The following CERS3 variants were observed in gnomAD, a reference collection of about 807,000 sequenced individuals.
CERS3 encodes LAG1 homolog, ceramide synthase 3.
CERS3 carries 33 observed loss-of-function variants against 50.3 expected under a neutral mutation model. The observed-to-expected ratio is 0.66, with a 90% CI of 0.50 to 0.88. The LOEUF (loss-of-function observed/expected upper bound fraction) is 0.88. CERS3 is among the 40% of genes least tolerant of loss of function. CERS3 has a pLI of 0.00. For synonymous variants in CERS3, 176 were observed against 155.2 expected (o/e 1.13, Z -0.99); for missense variants, 470 against 460.3 (o/e 1.02, Z -0.19).
intron 1 of CERS3, among the ~76,000 whole-genome samples, chr15:100,540,283 C>G (rs1333547242): frequency 1.3e-5 from 2 of 152,182 alleles, no homozygotes; most frequent in Non-Finnish European, 2.9e-5. Flanking sequence ...TGGCTCATAC[C>G]TGTAATCCCA....
chr15:100,500,295 C>T (rs1189606801), intron 3 of CERS3: 2 of 152,156 alleles, frequency 1.3e-5, no homozygotes, highest in Non-Finnish European at 2.9e-5. Flanking sequence ...AGAATATAGA[C>T]TATACTTAAT....
At chr15:100,476,374 G>C (rs2035127154) in intron 7 of CERS3, among the ~76,000 whole-genome samples, 196 bp from the exon 8 acceptor site, 1 of 152,152 alleles carries the variant, frequency 6.6e-6, no homozygotes, top group Non-Finnish European at 1.5e-5. Flanking sequence ...AAAGGGTAGA[G>C]ACAAGTATTC....
At chr15:100,491,734 T>G (rs2035658864) in intron 3 of CERS3, among the ~76,000 whole-genome samples, 1 of 152,178 alleles carries the variant, frequency 6.6e-6, no homozygotes, top group African/African-American at 2.4e-5. Flanking sequence ...GCTATTGCTG[T>G]ATTCTATTAA....
chr15:100,514,537 TAAATAACACTTC>T (rs2036439010), intron 2 of CERS3, among the ~76,000 whole-genome samples: 1 of 152,150 alleles, frequency 6.6e-6, no homozygotes, highest in South Asian at 2.1e-4. Context: ...CTACAGTTAA[TAAATAACACTTC>T]AATGTTAGTA....
intron 2 of CERS3, among the ~76,000 whole-genome samples, chr15:100,515,113 T>C (rs769329188): frequency 1.6e-4 from 24 of 152,238 alleles, no homozygotes; most frequent in Admixed American, 3.3e-4. Flanking sequence ...TTAATATTTT[T>C]AAGAGGCTAA....
chr15:100,527,449 A>T (rs967395182), intron 1 of CERS3, among the ~76,000 whole-genome samples: 3 of 152,246 alleles, frequency 2.0e-5, no homozygotes, highest in Non-Finnish European at 2.9e-5. Flanking sequence ...AGATTGATTG[A>T]TTGATTTTGG....
chr15:100,464,510 A>G (rs2250687), intron 10 of CERS3, among the ~76,000 whole-genome samples: 125,878 of 152,116 alleles, frequency 0.83, 52,560 homozygotes, highest in Middle Eastern at 0.89. Flanking sequence ...GGGCACACAC[A>G]CCTTCCCTTC....
chr15:100,474,671 G>A (rs956136165), intron 8 of CERS3, among the ~76,000 whole-genome samples: 5 of 152,222 alleles, frequency 3.3e-5, no homozygotes, highest in Non-Finnish European at 1.5e-5. Flanking sequence ...CCAAAGTGCT[G>A]GGATCACAGG....
intron 11 of CERS3, among the ~76,000 whole-genome samples, chr15:100,425,584 T>C (rs2032763351): frequency 6.6e-6 from 1 of 152,198 alleles, no homozygotes; most frequent in Non-Finnish European, 1.5e-5. Context: ...ATACCCCCAT[T>C]GTGTCTTGGA....
intron 10 of CERS3, among the ~76,000 whole-genome samples, chr15:100,466,774 TTCCTTCCTTCC>T (rs1567638381): frequency 6.8e-5 from 2 of 29,202 alleles, no homozygotes; most frequent in Non-Finnish European, 2.0e-4. Flanking sequence ...CCTTCCTTCC[TTCCTTCCTTCC>T]TTCCTTCCTC....
Position 100,522,774 on chromosome 15 carries a change from ATGAACATTCT to A in CERS3, c.-91-1028_-91-1019del, listed in dbSNP as rs995037513. On this transcript the variant is annotated intron_variant, in intron 1 of 11. Coordinates refer to ENST00000679737, the MANE Select transcript of CERS3 (RefSeq NM_001378789.1). ...ATTACAACACTTCAAGGTGCCATTT[ATGAACATTCT>A]TGAACATTCTTGAACATGCTTTAGG... 9.8e-5 allele frequency among the ~76,000 whole-genome samples: 15 copies of A among 152,356 alleles called. No individual in the cohort carries two copies. In the South Asian group the frequency reaches 1.0e-3, roughly 11 times the overall value.
intron 1 of CERS3, among the ~76,000 whole-genome samples, chr15:100,524,097 C>T (rs749610263): frequency 9.9e-5 from 15 of 152,002 alleles, no homozygotes; most frequent in Non-Finnish European, 2.1e-4. Flanking sequence ...GTCTATTGTT[C>T]CCTAGTTGAT....
At chr15:100,456,162 C>A in intron 10 of CERS3, 116 bp from the exon 11 acceptor site, 1 of 618,922 alleles carries the variant, frequency 1.6e-6, no homozygotes, top group Non-Finnish European at 2.5e-6. Context: ...TCTAATAAAG[C>A]CCAGAAAATT....
In CERS3 at chr15:100,400,828, TTAATAA is replaced by T. The variant is rs1284355301; in HGVS notation, c.*1879_*1884del. 2.6e-5 allele frequency: 4 copies of T among 152,104 alleles called. No homozygotes were observed. Among genetic ancestry groups the T allele is most frequent in the Admixed American group, 6.5e-5 (1 of 15,288 alleles). The allele number at this position is 152,104 out of a possible 1,614,324, so 9.4% of individuals were successfully genotyped here. A position where few individuals can be genotyped will look rare whatever the true frequency, so the allele number is the denominator to read the frequency against. On this transcript the variant is annotated 3_prime_UTR_variant, in exon 12 of 12. Coordinates refer to ENST00000679737, the MANE Select transcript of CERS3 (RefSeq NM_001378789.1). ...CCAGCAAAATAATAATAATATAATA[TTAATAA>T]TAAGTCAATAGCTATACCCTAAAGT...
chr15:100,484,155 G>A (rs73472068), intron 5 of CERS3, among the ~76,000 whole-genome samples: 8,411 of 152,028 alleles, frequency 0.055, 795 homozygotes, highest in African/African-American at 0.19. Flanking sequence ...CAGTTGTGAT[G>A]GTTGGATACA....
chr15:100,487,938 A>AT (rs1300517941), intron 4 of CERS3, among the ~76,000 whole-genome samples: 1 of 152,074 alleles, frequency 6.6e-6, no homozygotes, highest in Non-Finnish European at 1.5e-5. Context: ...ATATATAATT[A>AT]TTTTTTATTT....
At chr15:100,436,937 CCTGA>C (rs2033438750) in intron 11 of CERS3, among the ~76,000 whole-genome samples, 1 of 150,178 alleles carries the variant, frequency 6.7e-6, no homozygotes, top group Non-Finnish European at 1.5e-5. Context: ...TCTGTTCTTT[CCTGA>C]CTTTTTTTTT....
At chr15:100,457,941 T>C (rs1408275508) in intron 10 of CERS3, among the ~76,000 whole-genome samples, 1 of 152,232 alleles carries the variant, frequency 6.6e-6, no homozygotes, top group Non-Finnish European at 1.5e-5. Context: ...ACTTGATGTA[T>C]ATAGTCTTTC....
chr15:100,416,216 C>T (rs1041844016), intron 11 of CERS3, among the ~76,000 whole-genome samples: 5 of 152,194 alleles, frequency 3.3e-5, no homozygotes, highest in African/African-American at 1.2e-4. Flanking sequence ...AGAGGCATCA[C>T]ACTTCCTGAG....
Sources: gnomAD v4.1 joint callset for allele counts (sites outside exome capture counted in the v4.1 genomes callset) on GRCh38, gnomAD v4.1.1 for gene constraint, MANE v1.5 for transcripts, NCBI Gene and HGNC (gene_info 2026-07-23, HGNC 2026-07-21) for gene names.